Variants in FCHSD1 observed in about 807,000 individuals in gnomAD.
FCHSD1 encodes F-BAR and double SH3 domains protein 1.
FCHSD1 carries 109 observed loss-of-function variants against 101.3 expected under a neutral mutation model. The observed-to-expected ratio is 1.08, with a 90% confidence interval of 0.92 to 1.26. The LOEUF is 1.26. Ranked by LOEUF, FCHSD1 falls within the 50% of genes most tolerant of loss-of-function variation. The probability of loss-of-function intolerance (pLI) is 0.00; values close to 1 mark genes in which losing one functional copy is unlikely to be tolerated. For synonymous variants in FCHSD1, 291 were observed against 356.8 expected, an observed-to-expected ratio of 0.82 and a Z score of 2.08; for missense variants, 820 against 895.8, an observed-to-expected ratio of 0.92 and a Z score of 1.08.
At chr5:141,642,530 C>A (rs2099907055) in intron 18 of FCHSD1, 3 of 537,918 alleles carry the variant, frequency 5.6e-6, no homozygotes, top group Middle Eastern at 2.8e-4. Flanking sequence ...AATAAAACTG[C>A]TATAGACATT....
At chr5:141,647,564 C>T in intron 8 of FCHSD1, 44 bp from the exon 9 acceptor site, 1 of 1,603,188 alleles carries the variant, frequency 6.2e-7, no homozygotes, top group Non-Finnish European at 8.5e-7. Context: ...TCCCCCAGAC[C>T]TCTACTGTAA....
chr5:141,639,542 C>T lies in FCHSD1; in HGVS notation c.*1956G>A. On this transcript the variant is annotated 3_prime_UTR_variant, in exon 20 of 20. Transcript: ENST00000435817. The surrounding 1 kb of genome is among the most constrained non-coding windows in gnomAD (Gnocchi z 4.4). ...TGCACCTGGGCTCTGCAGCCCCTTG[C>T]CTCCATTGCAGCCGCAGCAAGAGGC... The T allele has an allele frequency of 6.2e-7, 1 of 1,614,010 alleles. No homozygotes were observed.
At position 141,640,248 on chromosome 5, in the gene FCHSD1, C is replaced by G; in HGVS notation, c.*1250G>C. The G allele has an allele frequency of 6.2e-7, 1 of 1,614,070 alleles. No individual in the cohort carries two copies. The highest frequency in any genetic ancestry group is 8.5e-7 in the Non-Finnish European group (1 of 1,179,942). On this transcript the variant is annotated 3_prime_UTR_variant, in exon 20 of 20. Coordinates refer to ENST00000435817, the MANE Select transcript of FCHSD1 (RefSeq NM_033449.3). ...GGGCCCAAGCCCAGGGCTGCCCACT[C>G]AAGAGGCAAATGGGCAGCCAAGCAA...
At chr5:141,642,941 C>T in intron 18 of FCHSD1, 60 bp downstream of exon 18, 1 of 1,508,334 alleles carries the variant, frequency 6.6e-7, no homozygotes, top group African/African-American at 1.4e-5. Context: ...CCTGGGAGTC[C>T]AAGCTTCCTC....
At chr5:141,647,656 C>G in intron 8 of FCHSD1, 136 bp from the exon 9 acceptor site, 1 of 1,387,532 alleles carries the variant, frequency 7.2e-7, no homozygotes, top group Non-Finnish European at 9.8e-7. Context: ...GAGAAAGGCC[C>G]TCGTGTGCAG....
Position 141,649,122 on chromosome 5 carries a change from C to G in FCHSD1, c.512+50G>C, listed in dbSNP as rs1306151370. On this transcript the variant is annotated intron_variant, in intron 6 of 19. Transcript: ENST00000435817. This position sits in a 1 kb window ranked among gnomAD's most constrained non-coding sequence, Gnocchi z 4.1. ...GACTTGGCTCCACCCCTAGACAGCCCCACCTCCCTGTTCCCCAACCTTGGG... is the reference window on the plus strand; with the variant it reads ...GACTTGGCTCCACCCCTAGACAGCCGCACCTCCCTGTTCCCCAACCTTGGG... The G allele has an allele frequency of 6.2e-7, 1 of 1,613,736 alleles. No homozygotes were observed. Among genetic ancestry groups the G allele is most frequent in the South Asian group, 1.1e-5 (1 of 91,076 alleles).
chr5:141,647,777 A>T (rs2099907841), intron 8 of FCHSD1, 191 bp downstream of exon 8: 4 of 992,910 alleles, frequency 4.0e-6, no homozygotes, highest in Non-Finnish European at 5.8e-6. Flanking sequence ...TGGGGTTCGG[A>T]AGAGTTTAAG....
At chr5:141,644,977 TC>T in intron 14 of FCHSD1, 35 bp from the exon 15 acceptor site, 1 of 1,613,836 alleles carries the variant, frequency 6.2e-7, no homozygotes, top group South Asian at 1.1e-5. Context: ...GACTTGGCTG[TC>T]CCCCACCCTT....
chr5:141,645,998 C>A, intron 12 of FCHSD1, 66 bp from the exon 13 acceptor site: 1 of 1,538,462 alleles, frequency 6.5e-7, no homozygotes, highest in Non-Finnish European at 8.8e-7. Flanking sequence ...CTGCTTCTCC[C>A]TTCCTTCCTC....
At position 141,640,757 on chromosome 5, in the gene FCHSD1, GC is replaced by G; in HGVS notation, c.*740del. ...GCCCTCCCCTCCACTGGACAGCACTGCCCCCCAGCTGAGGGACCAGCTCTAC... is the reference window on the plus strand; with the variant it reads ...GCCCTCCCCTCCACTGGACAGCACTGCCCCCAGCTGAGGGACCAGCTCTAC... On this transcript the variant is annotated 3_prime_UTR_variant, in exon 20 of 20. Transcript: ENST00000435817. 4.6e-6 allele frequency: 6 copies of G among 1,294,244 alleles called. No individual in the cohort carries two copies. Among genetic ancestry groups the G allele is most frequent in the South Asian group, 1.4e-5 (1 of 72,670 alleles). The allele number at this position is 1,294,244 out of a possible 1,614,324, so 80.2% of individuals were successfully genotyped here.
In FCHSD1 at chr5:141,651,079, T is replaced by A. The variant is rs2099908329; in HGVS notation, c.60A>T (p.Glu20Asp). Residue 20 changes from glutamate (E) to aspartate (D), a missense_variant, in exon 2 of 20, where the codon GAA becomes GAT. Physicochemically the swap from Glu to Asp is conservative, Grantham distance 45. Transcript: ENST00000435817. Reference sequence around the variant, plus strand: ...GCCAGGTCTGAAGGATGCTCAGCTGTTCCAGGAAGCGAAGCTTCACCTCCT... The same window carrying A: ...GCCAGGTCTGAAGGATGCTCAGCTGATCCAGGAAGCGAAGCTTCACCTCCT... The part of the protein sequence containing the change: ...PAQEVKLRFL[E>D]QLSILQTWQQ... The A allele has an allele frequency of 1.9e-6, 3 of 1,598,448 alleles. No homozygotes were observed. In the East Asian group the frequency reaches 6.8e-5, roughly 36 times the overall value.
chr5:141,640,764 A>G lies in FCHSD1; in HGVS notation c.*734T>C, dbSNP rs1004085355. 8.1e-7 allele frequency: 1 copy of G among 1,227,142 alleles called. No homozygotes were observed. The highest frequency in any genetic ancestry group is 1.5e-5 in the African/African-American group (1 of 66,076). The allele number at this position is 1,227,142 out of a possible 1,614,324, so 76.0% of individuals were successfully genotyped here. A position where few individuals can be genotyped will look rare whatever the true frequency, so the allele number is the denominator to read the frequency against. ...CCTCCACTGGACAGCACTGCCCCCC[A>G]GCTGAGGGACCAGCTCTACTTCCAC... On this transcript the variant is annotated 3_prime_UTR_variant, in exon 20 of 20. Coordinates refer to ENST00000435817, the MANE Select transcript of FCHSD1 (RefSeq NM_033449.3).
At chr5:141,650,441 A>T in intron 2 of FCHSD1, 37 bp from the exon 3 acceptor site, 1 of 1,613,332 alleles carries the variant, frequency 6.2e-7, no homozygotes, top group Non-Finnish European at 8.5e-7. Flanking sequence ...GGTGGGGGAT[A>T]AGGTTATGTT....
chr5:141,647,279 A>C (rs1456939005), intron 9 of FCHSD1, 49 bp from the exon 10 acceptor site: 6 of 1,575,328 alleles, frequency 3.8e-6, no homozygotes, highest in Non-Finnish European at 5.2e-6. Context: ...CTCACTCTCC[A>C]ACCCTGTCCC....
chr5:141,645,085 G>C lies in FCHSD1; in HGVS notation c.1375C>G (p.Pro459Ala). 2 of 1,587,668 alleles carry C rather than the reference G, an allele frequency of 1.3e-6. No homozygotes were observed. Among genetic ancestry groups the C allele is most frequent in the Non-Finnish European group, 8.6e-7 (1 of 1,165,456 alleles). Residue 459 changes from proline to alanine, a missense_variant, in exon 14 of 20, where the codon CCT (proline) becomes GCT (alanine). Coordinates refer to ENST00000435817, the MANE Select transcript of FCHSD1 (RefSeq NM_033449.3). Reference protein sequence around the residue: ...CEETGELFEEPAPQALATRAL... With the variant: ...CEETGELFEEAAPQALATRAL... ...CTCGTGGCCAGGGCTTGGGGGGCAG[G>C]CTCCTCAAAGAGCTCTCCCGTCTCC... is the stretch of plus-strand genomic sequence containing the variant.
chr5:141,646,736 G>C lies in FCHSD1; in HGVS notation c.925-14C>G, dbSNP rs753246462. On this transcript the variant is annotated splice_polypyrimidine_tract_variant and intron_variant, in intron 10 of 19. Coordinates refer to ENST00000435817, the MANE Select transcript of FCHSD1 (RefSeq NM_033449.3). ...CAGGACACACACCTGAATGGGTCAG[G>C]GGGTGCTGTGAGGAGGACCTGAGGC... 1.9e-6 allele frequency: 3 copies of C among 1,610,398 alleles called. No individual in the cohort carries two copies. The highest frequency in any genetic ancestry group is 2.5e-6 in the Non-Finnish European group (3 of 1,179,174).
At chr5:141,643,515 ATATCT>A (rs1230653316) in intron 17 of FCHSD1, among the ~76,000 whole-genome samples, 1 of 152,176 alleles carries the variant, frequency 6.6e-6, no homozygotes, top group East Asian at 1.9e-4. Context: ...ATAACAACAG[ATATCT>A]TATATTGAAA....
chr5:141,647,381 G>C lies in FCHSD1; in HGVS notation c.828+17C>G, dbSNP rs2099907791. The C allele has an allele frequency of 6.3e-7, 1 of 1,585,506 alleles. No homozygotes were observed. Among genetic ancestry groups the C allele is most frequent in the Non-Finnish European group, 8.6e-7 (1 of 1,164,280 alleles). On this transcript the variant is annotated intron_variant, in intron 9 of 19. Transcript: ENST00000435817. ...AAAAGGATCCCCGGGGAAGCTCTTA[G>C]AGGCCACAGCCCTCACCTGGGAGGT...
chr5:141,647,913 G>A (rs2099907866), intron 8 of FCHSD1, 55 bp downstream of exon 8: 1 of 1,590,612 alleles, frequency 6.3e-7, no homozygotes, highest in East Asian at 2.3e-5. Flanking sequence ...GAAGCAGGGG[G>A]AGGTCCTCCT....
Sources: gnomAD v4.1 joint callset for allele counts (sites outside exome capture counted in the v4.1 genomes callset) on GRCh38, gnomAD v4.1.1 for gene constraint, Gnocchi (gnomAD v3.1) non-coding constraint, MANE v1.5 for transcripts, NCBI Gene and HGNC (gene_info 2026-07-23, HGNC 2026-07-21) for gene names.